CFAP54: variants seen among roughly 807,000 people sequenced by gnomAD.
The protein encoded by CFAP54 is cilia- and flagella-associated protein 54.
CFAP54 carries 290 observed loss-of-function variants against 370.4 expected under a neutral mutation model. The observed-to-expected ratio is 0.78, with a 90% confidence interval of 0.71 to 0.86. CFAP54 has a LOEUF of 0.86. Ranked by LOEUF, CFAP54 falls within the 40% of genes least tolerant of loss-of-function variation. The pLI is 0.00. For synonymous variants in CFAP54, 1,206 were observed against 1,236.5 expected (o/e 0.98, Z 0.52); for missense variants, 3,399 against 3,528.7 (o/e 0.96, Z 0.93).
intron 63 of CFAP54, among the ~76,000 whole-genome samples, chr12:96,796,897 C>T (rs80215770): frequency 0.012 from 1,805 of 152,084 alleles, 30 homozygotes; most frequent in African/African-American, 0.04. Flanking sequence ...TTCCTAGCTG[C>T]TGACTTATTG....
intron 60 of CFAP54, among the ~76,000 whole-genome samples, chr12:96,769,508 A>G (rs1412899115): frequency 6.6e-6 from 1 of 152,244 alleles, no homozygotes; most frequent in Non-Finnish European, 1.5e-5. Flanking sequence ...CAGCTCTCTC[A>G]TCAGCAGCTC....
At chr12:96,814,262 A>T (rs1958954922) in intron 64 of CFAP54, among the ~76,000 whole-genome samples, 1 of 152,250 alleles carries the variant, frequency 6.6e-6, no homozygotes, top group Non-Finnish European at 1.5e-5. Flanking sequence ...GCGTTTTAGA[A>T]TACTATCTTT....
intron 63 of CFAP54, among the ~76,000 whole-genome samples, chr12:96,799,395 ATTC>A (rs772531399): frequency 2.0e-5 from 3 of 152,068 alleles, no homozygotes; most frequent in Non-Finnish European, 2.9e-5. Flanking sequence ...GCATTGGTCT[ATTC>A]TTGCACTTCC....
chr12:96,621,493 ACT>A (rs1956487988), intron 26 of CFAP54, 95 bp from the exon 27 acceptor site: 22 of 855,914 alleles, frequency 2.6e-5, no homozygotes, highest in Non-Finnish European at 3.3e-5. Flanking sequence ...TAGACTGAAA[ACT>A]CTATGGGGCT....
At chr12:96,646,993 C>A (rs1956801643) in intron 33 of CFAP54, 1 of 151,924 alleles carries the variant, frequency 6.6e-6, no homozygotes, top group Non-Finnish European at 1.5e-5. Context: ...AGGAGATATA[C>A]CTAATGTTAA....
intron 60 of CFAP54, among the ~76,000 whole-genome samples, chr12:96,775,174 A>G (rs1958504203): frequency 1.3e-5 from 2 of 152,142 alleles, no homozygotes; most frequent in Admixed American, 1.3e-4. Flanking sequence ...TCACGCCTGT[A>G]ATCCTGACGC....
Position 96,684,712 on chromosome 12 carries a change from T to C in CFAP54, c.5781T>C (p.Leu1927=). 1.2e-6 allele frequency: 2 copies of C among 1,612,618 alleles called. No individual in the cohort carries two copies. The highest frequency in any genetic ancestry group is 1.7e-6 in the Non-Finnish European group (2 of 1,179,526). ...KVQALHSLGS[L]LIFAEKKRAA... The stretch of plus-strand genomic sequence containing the variant: ...AGGCGTTGCATTCACTTGGAAGTCT[T>C]CTCATCTTCGCAGAAAAGAAAAGGT... The change falls in exon 41 of 68, where the codon CTT becomes CTC. Residue 1927 remains leucine, a synonymous_variant. Transcript: ENST00000524981.
intron 32 of CFAP54, among the ~76,000 whole-genome samples, chr12:96,641,331 T>G (rs1173733508): frequency 1.3e-5 from 2 of 152,180 alleles, no homozygotes; most frequent in African/African-American, 2.4e-5. Flanking sequence ...GAAAAAATGC[T>G]CATCATCACT....
rs1955129182 is a variant in CFAP54 at position 96,508,313 on chromosome 12, T to G, written c.739+1214T>G. On this transcript the variant is annotated intron_variant, in intron 4 of 67. Coordinates refer to ENST00000524981, the MANE Select transcript of CFAP54 (RefSeq NM_001306084.2). ...TTTTTTTTTTTTTTTTGAGATGGAG[T>G]CTCGCTGTGTTGCCCAGGCTGGAGT... 2.1e-5 allele frequency among the ~76,000 whole-genome samples: 3 copies of G among 146,014 alleles called. No individual in the cohort carries two copies. The Admixed American group carries it at 2.1e-4, about 10-fold the overall frequency.
chr12:96,695,282 C>T (rs1364060427), intron 45 of CFAP54, among the ~76,000 whole-genome samples: 1 of 152,212 alleles, frequency 6.6e-6, no homozygotes, highest in African/African-American at 2.4e-5. Context: ...CCAAATTTAT[C>T]CCATTTTCTA....
chr12:96,738,702 C>G (rs1012817936), intron 50 of CFAP54, among the ~76,000 whole-genome samples: 1 of 150,878 alleles, frequency 6.6e-6, no homozygotes, highest in African/African-American at 2.5e-5. Context: ...CCTCCGCCTC[C>G]TGGATTCAAG....
chr12:96,694,641 T>C lies in CFAP54; in HGVS notation c.6351+833T>C, dbSNP rs540440445. ...ACATTTGGCTTTCTTGAGCTTAAAA[T>C]CTTTCTTGGCCATCATCTCATGCTT... On this transcript the variant is annotated intron_variant, in intron 45 of 67. Coordinates refer to ENST00000524981, the MANE Select transcript of CFAP54 (RefSeq NM_001306084.2). Among the ~76,000 whole-genome samples the C allele has an allele frequency of 1.2e-3, 183 of 152,222 alleles. 2 individuals carry two copies. The highest frequency in any genetic ancestry group is 4.1e-3 in the African/African-American group (170 of 41,538).
At position 96,513,010 on chromosome 12, in the gene CFAP54, G is replaced by A. The variant is rs2136359660; in HGVS notation, c.764G>A (p.Cys255Tyr). ...GGTACCATTTATATTTACACCATTT[G>A]CAGAAAACTGATGGTCATAGGTCAG... is the stretch of plus-strand genomic sequence containing the variant. ...FNGTIYIYTICRKLMVIGQSS... is the reference protein window; with the variant it reads ...FNGTIYIYTIYRKLMVIGQSS... Residue 255 changes from cysteine to tyrosine, a missense_variant, in exon 5 of 68, where the codon TGC becomes TAC. Transcript: ENST00000524981. 2 of 1,518,582 alleles carry A rather than the reference G, an allele frequency of 1.3e-6. No individual in the cohort carries two copies. Among genetic ancestry groups the A allele is most frequent in the Non-Finnish European group, 1.8e-6 (2 of 1,137,840 alleles). The allele number at this position is 1,518,582 out of a possible 1,614,324, so 94.1% of individuals were successfully genotyped here. A position where few individuals can be genotyped will look rare whatever the true frequency, so the allele number is the denominator to read the frequency against.
rs375428195 is a variant in CFAP54, at chr12:96,720,452, C to G, written c.6852C>G (p.Ser2284=). 11 of 1,596,882 alleles carry G rather than the reference C, an allele frequency of 6.9e-6. No individual in the cohort carries two copies. The highest frequency in any genetic ancestry group is 9.4e-6 in the Non-Finnish European group (11 of 1,170,872). Residue 2284 remains serine, a synonymous_variant, in exon 50 of 68, where the codon TCC becomes TCG. Transcript: ENST00000524981. ...EAEDRLNFLL[S]EVEQKTLSQC... is the part of the protein sequence containing the mutation. The stretch of plus-strand genomic sequence containing the variant: ...AGGACAGGCTAAACTTCCTTCTGTC[C>G]GAGGTGGAACAGAAGACCCTGTCTC...
chr12:96,604,989 G>A (rs1315341123), intron 26 of CFAP54, among the ~76,000 whole-genome samples: 1 of 152,186 alleles, frequency 6.6e-6, no homozygotes, highest in Non-Finnish European at 1.5e-5. Context: ...TGCACCCACT[G>A]TCCAACCAGC....
At chr12:96,775,429 C>T (rs928201386) in intron 60 of CFAP54, among the ~76,000 whole-genome samples, 1 of 151,582 alleles carries the variant, frequency 6.6e-6, no homozygotes, top group African/African-American at 2.4e-5. Flanking sequence ...ATTCCATCCC[C>T]GACCCAAAAA....
intron 65 of CFAP54, among the ~76,000 whole-genome samples, chr12:96,823,663 T>C (rs1959057003): frequency 6.6e-6 from 1 of 152,200 alleles, no homozygotes; most frequent in Non-Finnish European, 1.5e-5. Flanking sequence ...GGCCATGAAC[T>C]CCTTATGGGC....
intron 39 of CFAP54, among the ~76,000 whole-genome samples, chr12:96,668,623 C>T (rs552254834): frequency 1.3e-5 from 2 of 152,140 alleles, no homozygotes; most frequent in African/African-American, 4.8e-5. Flanking sequence ...AGCTACAATT[C>T]AAGATGAGAT....
intron 19 of CFAP54, among the ~76,000 whole-genome samples, chr12:96,575,116 G>A (rs1442521534): frequency 2.6e-5 from 4 of 152,152 alleles, no homozygotes; most frequent in Admixed American, 2.0e-4. Flanking sequence ...CATCCCTAAT[G>A]ACTAATGACG....
Sources: allele counts gnomAD v4.1 joint callset (sites outside exome capture counted in the v4.1 genomes callset), GRCh38; gene constraint gnomAD v4.1.1; transcripts MANE v1.5; gene names NCBI Gene and HGNC (gene_info 2026-07-23, HGNC 2026-07-21).